NKAIN1: variants seen among roughly 807,000 people sequenced by gnomAD.
NKAIN1 encodes the protein sodium/potassium transporting ATPase interacting 1, also known as sodium/potassium-transporting ATPase subunit beta-1-interacting protein 1.
Under a neutral mutation model 31.6 loss-of-function variants are expected in NKAIN1, and 13 were observed. The observed-to-expected ratio is 0.41, with a 90% CI of 0.27 to 0.65. The LOEUF is 0.65. Among genes scored for constraint, NKAIN1 ranks in the 30% least tolerant of loss-of-function variants. NKAIN1 has a pLI of 0.30. For synonymous variants in NKAIN1, 104 were observed against 109.0 expected (o/e 0.95, Z 0.28); for missense variants, 193 against 262.2 (o/e 0.74, Z 1.82).
chr1:31,186,221 G>C (rs929612654), intron 2 of NKAIN1, among the ~76,000 whole-genome samples: 1 of 151,870 alleles, frequency 6.6e-6, no homozygotes, highest in African/African-American at 2.4e-5. Flanking sequence ...AATTAGCCAG[G>C]CATGATGGCA....
At chr1:31,215,846 T>C (rs890687574) in intron 1 of NKAIN1, among the ~76,000 whole-genome samples, 32 of 152,172 alleles carry the variant, frequency 2.1e-4, no homozygotes, top group Non-Finnish European at 8.8e-5. Flanking sequence ...CTCTGACCTA[T>C]AATAAAAGCA....
chr1:31,208,700 G>T (rs12036862), intron 1 of NKAIN1, among the ~76,000 whole-genome samples: 26,398 of 152,020 alleles, frequency 0.17, 2,507 homozygotes, highest in East Asian at 0.34. Flanking sequence ...CCCTCAAAAT[G>T]CTCCCTTGAA....
At chr1:31,229,024 T>C (rs1044537376) in intron 1 of NKAIN1, among the ~76,000 whole-genome samples, 2 of 152,144 alleles carry the variant, frequency 1.3e-5, no homozygotes, top group Non-Finnish European at 2.9e-5. Context: ...TCCCACTTCA[T>C]AGGCTGTGAT....
chr1:31,181,709 C>G lies in NKAIN1; in HGVS notation c.618G>C (p.Ser206=). 5 of 1,485,468 alleles carry G rather than the reference C, an allele frequency of 3.4e-6. No homozygotes were observed. The highest frequency in any genetic ancestry group is 4.5e-6 in the Non-Finnish European group (5 of 1,111,634). The allele number at this position is 1,485,468 out of a possible 1,614,324, so 92.0% of individuals were successfully genotyped here. The change falls in exon 7 of 7, where the codon TCG becomes TCC. Residue 206 remains serine, a synonymous_variant. Transcript: ENST00000373736. ...GGTGGGCGCGGGGCAGAGGCTACCC[C>G]GACCTGCGGGAAACAAAGGCAGGTT... ...SHLQLQPLYT[S]G
At chr1:31,200,017 A>ACACACG (rs1645364921) in intron 1 of NKAIN1, among the ~76,000 whole-genome samples, 1 of 76,538 alleles carries the variant, frequency 1.3e-5, no homozygotes, top group African/African-American at 3.4e-5. Flanking sequence ...ACACATGCAC[A>ACACACG]CACACACGCA....
chr1:31,216,786 G>A (rs951707984), intron 1 of NKAIN1, among the ~76,000 whole-genome samples: 5 of 151,528 alleles, frequency 3.3e-5, no homozygotes, highest in African/African-American at 4.9e-5. Context: ...CTCCACCTCC[G>A]GGGTTCAAGT....
At position 31,239,461 on chromosome 1, in the gene NKAIN1, C is replaced by G. The variant is rs368714540; in HGVS notation, c.54+33G>C. ...GGGACCGCGCCCCGCCGCGCCCCAC[C>G]CTGCCCCGACTGCCTGGGCACGCGA... On this transcript the variant is annotated intron_variant, in intron 1 of 6. Coordinates refer to ENST00000373736, the MANE Select transcript of NKAIN1 (RefSeq NM_024522.3). This position sits in a 1 kb window ranked among gnomAD's most constrained non-coding sequence, Gnocchi z 4.8. 2 of 1,438,808 alleles carry G rather than the reference C, an allele frequency of 1.4e-6. No homozygotes were observed. Among genetic ancestry groups the G allele is most frequent in the East Asian group, 3.0e-5 (1 of 33,014 alleles). 89.1% of individuals were successfully genotyped at this position (1,438,808 alleles called of 1,614,324 possible). A position where few individuals can be genotyped will look rare whatever the true frequency, so the allele number is the denominator to read the frequency against.
At chr1:31,196,238 G>A (rs989441509) in intron 1 of NKAIN1, among the ~76,000 whole-genome samples, 2 of 152,148 alleles carry the variant, frequency 1.3e-5, no homozygotes, top group Non-Finnish European at 2.9e-5. Context: ...AATTGGCCGG[G>A]TGCGGTGGCT....
chr1:31,222,750 G>A (rs1274175008), intron 1 of NKAIN1, among the ~76,000 whole-genome samples: 2 of 152,200 alleles, frequency 1.3e-5, no homozygotes. Flanking sequence ...CCTCAAACCT[G>A]GTGAAGTGCA....
At chr1:31,194,529 C>A (rs1292131751) in intron 1 of NKAIN1, among the ~76,000 whole-genome samples, 3 of 150,328 alleles carry the variant, frequency 2.0e-5, no homozygotes, top group Non-Finnish European at 4.4e-5. Flanking sequence ...GCCTCAGCCT[C>A]CCGAGTAGCT....
At position 31,239,347 on chromosome 1, in the gene NKAIN1, G is replaced by T. The variant is rs1645715932; in HGVS notation, c.54+147C>A. ...CGGCCAGCGGGAGCAGGCTCCGCCC[G>T]ACCGCTCCGAGACTCCAGACCACCC... On this transcript the variant is annotated intron_variant, in intron 1 of 6. Coordinates refer to ENST00000373736, the MANE Select transcript of NKAIN1 (RefSeq NM_024522.3). This position sits in a 1 kb window ranked among gnomAD's most constrained non-coding sequence, Gnocchi z 4.8. 2.1e-6 allele frequency: 1 copy of T among 467,460 alleles called. No homozygotes were observed. Among genetic ancestry groups the T allele is most frequent in the South Asian group, 4.9e-5 (1 of 20,352 alleles). The allele number at this position is 467,460 out of a possible 1,614,324, so 29.0% of individuals were successfully genotyped here.
intron 1 of NKAIN1, among the ~76,000 whole-genome samples, chr1:31,190,383 C>T (rs1645275937): frequency 6.6e-6 from 1 of 152,208 alleles, no homozygotes; most frequent in South Asian, 2.1e-4. Flanking sequence ...TCACTGGATG[C>T]TCCTTGGCAG....
intron 2 of NKAIN1, 56 bp downstream of exon 2, chr1:31,187,994 G>C: frequency 1.3e-6 from 2 of 1,515,334 alleles, no homozygotes; most frequent in Non-Finnish European, 1.8e-6. Flanking sequence ...GGGAGGGGTG[G>C]AGTGGGCAGG....
intron 1 of NKAIN1, among the ~76,000 whole-genome samples, chr1:31,228,131 C>T (rs962051784): frequency 6.6e-6 from 1 of 152,168 alleles, no homozygotes; most frequent in Admixed American, 6.5e-5. Context: ...GTAGATTACA[C>T]GCCTATTATG....
At chr1:31,236,286 C>G (rs1173963442) in intron 1 of NKAIN1, among the ~76,000 whole-genome samples, 1 of 152,162 alleles carries the variant, frequency 6.6e-6, no homozygotes, top group African/African-American at 2.4e-5. Context: ...CCCCATGGCA[C>G]CCTCACACCT....
At position 31,183,867 on chromosome 1, in the gene NKAIN1, C is replaced by A. The variant is rs79208062; in HGVS notation, c.421G>T (p.Asp141Tyr). Residue 141 changes from aspartate (D) to tyrosine (Y), a missense_variant, in exon 4 of 7, where the codon GAC (aspartate) becomes TAC (tyrosine). Asp to Tyr is a radical substitution (Grantham distance 160). Coordinates refer to ENST00000373736, the MANE Select transcript of NKAIN1 (RefSeq NM_024522.3). ...CTGAGGGCTTCAATGTAGGGGTAGTCAAGCAGGCAGCCAGTGACAGAGATG... is the reference window on the plus strand; with the variant it reads ...CTGAGGGCTTCAATGTAGGGGTAGTAAAGCAGGCAGCCAGTGACAGAGATG... ...HVISVTGCLL[D>Y]YPYIEALSSA... 6.2e-7 allele frequency: 1 copy of A among 1,614,084 alleles called. No individual in the cohort carries two copies. Among genetic ancestry groups the A allele is most frequent in the South Asian group, 1.1e-5 (1 of 91,066 alleles).
chr1:31,219,226 A>C (rs1645542605), intron 1 of NKAIN1, among the ~76,000 whole-genome samples: 1 of 152,248 alleles, frequency 6.6e-6, no homozygotes, highest in Non-Finnish European at 1.5e-5. Context: ...AGAAGGTAGT[A>C]GCATCTTTCA....
intron 1 of NKAIN1, among the ~76,000 whole-genome samples, chr1:31,196,121 G>T (rs1433643151): frequency 3.9e-5 from 6 of 152,066 alleles, no homozygotes; most frequent in Non-Finnish European, 8.8e-5. Flanking sequence ...GCTCAGGCCT[G>T]TAATCCCAGC....
At position 31,239,174 on chromosome 1, in the gene NKAIN1, G is replaced by T. The variant is rs1231800622; in HGVS notation, c.54+320C>A. On this transcript the variant is annotated intron_variant, in intron 1 of 6. Coordinates refer to ENST00000373736, the MANE Select transcript of NKAIN1 (RefSeq NM_024522.3). The surrounding 1 kb of genome is among the most constrained non-coding windows in gnomAD (Gnocchi z 4.8). ...CAGATCAGCCTCAGACACACCCCCA[G>T]TCCCAGCAAGCCACCGTCCCACAGC... is the stretch of plus-strand genomic sequence containing the variant. Among the ~76,000 whole-genome samples, 1 of 152,128 alleles carries T rather than the reference G, an allele frequency of 6.6e-6. No individual in the cohort carries two copies. The highest frequency in any genetic ancestry group is 1.5e-5 in the Non-Finnish European group (1 of 68,026).
Sources: allele counts gnomAD v4.1 joint callset (sites outside exome capture counted in the v4.1 genomes callset), GRCh38; gene constraint gnomAD v4.1.1; non-coding constraint Gnocchi (gnomAD v3.1); transcripts MANE v1.5; gene names NCBI Gene and HGNC (gene_info 2026-07-23, HGNC 2026-07-21).